The following ARMC7 variants were observed in gnomAD, a reference collection of about 807,000 sequenced individuals.
ARMC7 encodes armadillo repeat containing 7, also known as armadillo repeat-containing protein 7.
Under a neutral mutation model 14.8 loss-of-function variants are expected in ARMC7, and 9 were observed. The ratio of observed to expected loss-of-function variants is 0.61; its 90% CI spans 0.37 to 1.06. The LOEUF is 1.06. ARMC7 is among the 50% of genes least tolerant of loss of function. The pLI, the probability that ARMC7 is intolerant of heterozygous loss-of-function variation, is 0.01. For synonymous variants in ARMC7, 125 were observed against 123.4 expected, an observed-to-expected ratio of 1.01 and a Z score of -0.09; for missense variants, 262 against 267.1, an observed-to-expected ratio of 0.98 and a Z score of 0.13.
At chr17:75,114,488 AGTCCGCG>A (rs1480635633) in intron 2 of ARMC7, 4 of 392,712 alleles carry the variant, frequency 1.0e-5, no homozygotes, top group Non-Finnish European at 1.3e-5. Flanking sequence ...CGGGTCCTGG[AGTCCGCG>A]GTCCCAGCGT....
At chr17:75,126,919 G>A (rs1021818440) in intron 2 of ARMC7, among the ~76,000 whole-genome samples, 2 of 151,974 alleles carry the variant, frequency 1.3e-5, no homozygotes, top group Admixed American at 6.6e-5. Flanking sequence ...AAATTTAGCC[G>A]GGCATGGTGG....
intron 2 of ARMC7, among the ~76,000 whole-genome samples, chr17:75,111,027 A>G (rs1436879841): frequency 6.6e-6 from 1 of 151,748 alleles, no homozygotes. Context: ...TGGAGACTGA[A>G]GCAGGAGGTA....
intron 2 of ARMC7, among the ~76,000 whole-genome samples, chr17:75,119,453 C>CT (rs71159436): frequency 7.0e-6 from 1 of 142,886 alleles, no homozygotes; most frequent in African/African-American, 2.6e-5. Context: ...ACAGTTTTTT[C>CT]TTTTTTTTTT....
chr17:75,113,065 G>A (rs947580911), intron 2 of ARMC7, among the ~76,000 whole-genome samples: 23 of 147,754 alleles, frequency 1.6e-4, no homozygotes, highest in African/African-American at 4.1e-4. Context: ...TTGCTCTGTC[G>A]CCCAGGCTGG....
At chr17:75,115,031 C>CAGGG (rs2067954974) in intron 2 of ARMC7, among the ~76,000 whole-genome samples, 1 of 152,110 alleles carries the variant, frequency 6.6e-6, no homozygotes, top group Non-Finnish European at 1.5e-5. Flanking sequence ...TTGTGATCTC[C>CAGGG]CTGAGCCAGA....
intron 2 of ARMC7, 135 bp from the exon 3 acceptor site, chr17:75,128,542 C>G (rs1439803693): frequency 7.9e-7 from 1 of 1,264,096 alleles, no homozygotes; most frequent in African/African-American, 1.5e-5. Flanking sequence ...AAGGCAGGAG[C>G]CGGAATGGGC....
At chr17:75,119,793 G>A (rs975907763) in intron 2 of ARMC7, among the ~76,000 whole-genome samples, 1 of 151,668 alleles carries the variant, frequency 6.6e-6, no homozygotes, top group African/African-American at 2.4e-5. Flanking sequence ...GGCTGCTTCA[G>A]CTCAGCATGG....
chr17:75,129,121 C>T lies in ARMC7; in HGVS notation c.*83C>T. ...GGACGCAGGGAACGGGGAGCACATACTGCCCCATTGGTGCCTTTTCAGCCA... is the reference window on the plus strand; with the variant it reads ...GGACGCAGGGAACGGGGAGCACATATTGCCCCATTGGTGCCTTTTCAGCCA... On this transcript the variant is annotated 3_prime_UTR_variant, in exon 3 of 3. Coordinates refer to ENST00000245543, the MANE Select transcript of ARMC7 (RefSeq NM_024585.4). 6.7e-7 allele frequency: 1 copy of T among 1,489,942 alleles called. No homozygotes were observed. The highest frequency in any genetic ancestry group is 8.9e-7 in the Non-Finnish European group (1 of 1,121,210). The allele number at this position is 1,489,942 out of a possible 1,614,324, so 92.3% of individuals were successfully genotyped here.
At chr17:75,126,968 A>C (rs1237145443) in intron 2 of ARMC7, among the ~76,000 whole-genome samples, 1 of 151,224 alleles carries the variant, frequency 6.6e-6, no homozygotes, top group Admixed American at 6.6e-5. Context: ...AGGCTGAGGC[A>C]GGAGAATCAC....
Position 75,130,268 on chromosome 17 carries a change from TC to T in ARMC7, c.*1233del, listed in dbSNP as rs2074095155. On this transcript the variant is annotated 3_prime_UTR_variant, in exon 3 of 3. Coordinates refer to ENST00000245543, the MANE Select transcript of ARMC7 (RefSeq NM_024585.4). Reference sequence around the variant, plus strand: ...TTTTATTAAAGGTCCCGACTGGTTTTCCCACTGTATTTCCATGCCAGCCAGG... The same window carrying T: ...TTTTATTAAAGGTCCCGACTGGTTTTCCACTGTATTTCCATGCCAGCCAGG... 3.4e-6 allele frequency: 2 copies of T among 583,058 alleles called. No homozygotes were observed. The highest frequency in any genetic ancestry group is 3.7e-5 in the African/African-American group (2 of 53,530). The allele number at this position is 583,058 out of a possible 1,614,324, so 36.1% of individuals were successfully genotyped here.
chr17:75,119,283 C>T (rs142158407), intron 2 of ARMC7, among the ~76,000 whole-genome samples: 180 of 152,264 alleles, frequency 1.2e-3, no homozygotes, highest in African/African-American at 3.2e-3. Flanking sequence ...GAGTAAGCTA[C>T]CCTTTGTGTG....
At position 75,110,552 on chromosome 17, in the gene ARMC7, T is replaced by C; in HGVS notation, c.181T>C (p.Leu61=). Reference sequence around the variant, plus strand: ...TCTGCGGCAGCTGCAGGTCCTGGATTTATTTCTCGATTCGCTGTCGGAGGA... The same window carrying C: ...TCTGCGGCAGCTGCAGGTCCTGGATCTATTTCTCGATTCGCTGTCGGAGGA... ...EYLRQLQVLD[L]FLDSLSEENE... The change falls in exon 2 of 3, where the codon TTA becomes CTA. Residue 61 remains leucine (L), a synonymous_variant. Transcript: ENST00000245543. 6.2e-7 allele frequency: 1 copy of C among 1,614,240 alleles called. No individual in the cohort carries two copies.
intron 2 of ARMC7, among the ~76,000 whole-genome samples, chr17:75,113,507 C>CA (rs2073947664): frequency 1.3e-5 from 2 of 151,642 alleles, no homozygotes; most frequent in South Asian, 4.2e-4. Flanking sequence ...GGCGCCCCCC[C>CA]ACCAGGCCCG....
rs1025967981 is a variant in ARMC7, at chr17:75,129,399, G to T, written c.*361G>T. 3.1e-5 allele frequency: 9 copies of T among 293,754 alleles called. No individual in the cohort carries two copies. The highest frequency in any genetic ancestry group is 5.1e-5 in the Non-Finnish European group (8 of 157,668). 18.2% of individuals were successfully genotyped at this position (293,754 alleles called of 1,614,324 possible). Reference sequence around the variant, plus strand: ...GCTGGGCCTGAGGCTTAGGAGAGCTGCCTTCGCTGCAGGAAATCAGGGATT... The same window carrying T: ...GCTGGGCCTGAGGCTTAGGAGAGCTTCCTTCGCTGCAGGAAATCAGGGATT... On this transcript the variant is annotated 3_prime_UTR_variant, in exon 3 of 3. Coordinates refer to ENST00000245543, the MANE Select transcript of ARMC7 (RefSeq NM_024585.4).
intron 2 of ARMC7, among the ~76,000 whole-genome samples, chr17:75,112,483 T>C (rs2145116022): frequency 6.6e-6 from 1 of 152,194 alleles, no homozygotes; most frequent in Admixed American, 6.6e-5. Flanking sequence ...ACTGTAAAAT[T>C]ACTCTTTCTT....
intron 2 of ARMC7, among the ~76,000 whole-genome samples, chr17:75,113,979 C>G (rs1432088116): frequency 6.6e-6 from 1 of 152,218 alleles, no homozygotes; most frequent in African/African-American, 2.4e-5. Context: ...GGTGAGCTCC[C>G]TGGACTTACT....
chr17:75,129,089 C>T lies in ARMC7; in HGVS notation c.*51C>T, dbSNP rs748962741. 1.3e-6 allele frequency: 2 copies of T among 1,539,420 alleles called. No individual in the cohort carries two copies. Among genetic ancestry groups the T allele is most frequent in the African/African-American group, 2.7e-5 (2 of 73,458 alleles). ...ACCCCTACTGCTGGAGACCACAGTC[C>T]TGATGTGGACGCAGGGAACGGGGAG... On this transcript the variant is annotated 3_prime_UTR_variant, in exon 3 of 3. Coordinates refer to ENST00000245543, the MANE Select transcript of ARMC7 (RefSeq NM_024585.4).
chr17:75,129,196 GC>G lies in ARMC7; in HGVS notation c.*160del. The G allele has an allele frequency of 2.9e-6, 3 of 1,042,176 alleles. No homozygotes were observed. Among genetic ancestry groups the G allele is most frequent in the Non-Finnish European group, 4.0e-6 (3 of 744,124 alleles). 64.6% of individuals were successfully genotyped at this position (1,042,176 alleles called of 1,614,324 possible). On this transcript the variant is annotated 3_prime_UTR_variant, in exon 3 of 3. Coordinates refer to ENST00000245543, the MANE Select transcript of ARMC7 (RefSeq NM_024585.4). ...GGACAGGCATTTACACTGATGAAAC[GC>G]CACTGGGAGTGAGGAAGCCAGACTC...
intron 2 of ARMC7, among the ~76,000 whole-genome samples, chr17:75,110,950 T>G: frequency 1.2e-5 from 1 of 82,904 alleles, no homozygotes; most frequent in African/African-American, 6.4e-5. Context: ...TGAGACCCCG[T>G]CTCAAAAAAA....
Sources: allele counts gnomAD v4.1 joint callset (sites outside exome capture counted in the v4.1 genomes callset), GRCh38; gene constraint gnomAD v4.1.1; transcripts MANE v1.5; gene names NCBI Gene and HGNC (gene_info 2026-07-23, HGNC 2026-07-21).